The following CSE1L variants were observed in gnomAD, a reference collection of about 807,000 sequenced individuals.
CSE1L encodes exportin-2.
A neutral mutation model predicts 120.4 loss-of-function variants in CSE1L; 24 were observed. The observed-to-expected ratio is 0.20, with a 90% CI of 0.14 to 0.28. The LOEUF (loss-of-function observed/expected upper bound fraction) is 0.28, where lower values mean the gene tolerates loss of function less well. Ranked by LOEUF, CSE1L falls within the 10% of genes least tolerant of loss-of-function variation. The pLI is 1.00. For synonymous variants in CSE1L, 402 were observed against 398.3 expected, an observed-to-expected ratio of 1.01 and a Z score of -0.11; for missense variants, 830 against 1,145.2, an observed-to-expected ratio of 0.72 and a Z score of 3.97.
At chr20:49,092,197 C>A in intron 22 of CSE1L, 70 bp downstream of exon 22, 1 of 795,892 alleles carries the variant, frequency 1.3e-6, no homozygotes, top group Non-Finnish European at 2.0e-6. Flanking sequence ...AAATCAGTAT[C>A]TCTGTCTTAT....
intron 1 of CSE1L, among the ~76,000 whole-genome samples, chr20:49,050,121 A>T (rs1366858976): frequency 6.6e-6 from 1 of 152,142 alleles, no homozygotes; most frequent in South Asian, 2.1e-4. Flanking sequence ...ACTTTTTTTT[A>T]AACTTAAAAA....
At chr20:49,071,421 C>T (rs931281052) in intron 8 of CSE1L, among the ~76,000 whole-genome samples, 1 of 152,190 alleles carries the variant, frequency 6.6e-6, no homozygotes, top group Non-Finnish European at 1.5e-5. Flanking sequence ...CATGTGCTAC[C>T]TTGTGCTACT....
At chr20:49,095,780 T>A (rs2092134869) in intron 24 of CSE1L, among the ~76,000 whole-genome samples, 1 of 152,142 alleles carries the variant, frequency 6.6e-6, no homozygotes, top group Non-Finnish European at 1.5e-5. Context: ...GTAGTTCTAG[T>A]GCTTTGGGAG....
At chr20:49,076,520 CTTTT>C (rs35713931) in intron 12 of CSE1L, among the ~76,000 whole-genome samples, 103 of 79,598 alleles carry the variant, frequency 1.3e-3, no homozygotes, top group African/African-American at 4.7e-3. Flanking sequence ...CCCTCTCTCT[CTTTT>C]TTTTTTTTTT....
chr20:49,063,427 G>A (rs1285026370), intron 3 of CSE1L, 83 bp downstream of exon 3: 12 of 849,980 alleles, frequency 1.4e-5, no homozygotes, highest in Non-Finnish European at 1.8e-5. Context: ...GATAAGGCAC[G>A]TGCTTGTAGT....
intron 2 of CSE1L, among the ~76,000 whole-genome samples, chr20:49,060,788 A>T (rs1274682852): frequency 2.6e-5 from 4 of 152,002 alleles, no homozygotes; most frequent in Admixed American, 6.6e-5. Flanking sequence ...AAAAAAAAAA[A>T]ATTGAAATAC....
chr20:49,093,337 C>T (rs911969297), intron 22 of CSE1L, among the ~76,000 whole-genome samples: 2 of 152,288 alleles, frequency 1.3e-5, no homozygotes, highest in South Asian at 2.1e-4. Context: ...GTTCTATTAA[C>T]GCATAAACTG....
At chr20:49,090,910 T>C (rs1381547989) in intron 20 of CSE1L, 27 bp from the exon 21 acceptor site, 4 of 1,596,294 alleles carry the variant, frequency 2.5e-6, no homozygotes, top group Non-Finnish European at 3.4e-6. Context: ...CCTAAATTTA[T>C]ATTGTTGATT....
At position 49,074,769 on chromosome 20, in the gene CSE1L, T is replaced by C. The variant is rs1461822449; in HGVS notation, c.1067-16T>C. 1.2e-6 allele frequency: 2 copies of C among 1,605,584 alleles called. No individual in the cohort carries two copies. The highest frequency in any genetic ancestry group is 1.7e-6 in the Non-Finnish European group (2 of 1,176,074). ...GTCTTTTGGAGTGTTATCTGAAATA[T>C]CATCTCTCCTTGTAGCTGCTGATGA... On this transcript the variant is annotated splice_polypyrimidine_tract_variant and intron_variant, in intron 10 of 24. Transcript: ENST00000262982.
At chr20:49,090,146 A>G (rs2092089864) in intron 19 of CSE1L, among the ~76,000 whole-genome samples, 1 of 152,054 alleles carries the variant, frequency 6.6e-6, no homozygotes, top group Admixed American at 6.6e-5. Context: ...AATAATAATA[A>G]TAACGGAAAT....
rs562872413 is a variant in CSE1L, at chr20:49,082,261, C to T, written c.1483-1765C>T. 1.1e-4 allele frequency among the ~76,000 whole-genome samples: 17 copies of T among 152,054 alleles called. No homozygotes were observed. The South Asian group carries it at 3.5e-3, about 32-fold the overall frequency. On this transcript the variant is annotated intron_variant, in intron 14 of 24. Transcript: ENST00000262982. ...CTGTTACCCAGGTTCAAGCCATTCT[C>T]CTGCCTCAGCCTCCCAAGTAGCTGG... is the stretch of plus-strand genomic sequence containing the variant.
At chr20:49,083,649 G>T (rs1199779429) in intron 14 of CSE1L, among the ~76,000 whole-genome samples, 1 of 152,120 alleles carries the variant, frequency 6.6e-6, no homozygotes, top group Non-Finnish European at 1.5e-5. Context: ...TTGCTTTTTG[G>T]GGGTGGGAAG....
At chr20:49,063,616 C>T (rs1283143451) in intron 3 of CSE1L, among the ~76,000 whole-genome samples, 1 of 152,150 alleles carries the variant, frequency 6.6e-6, no homozygotes, top group African/African-American at 2.4e-5. Flanking sequence ...TTTTCCAAAG[C>T]TTCTGTTATT....
chr20:49,068,944 A>G (rs2091912925), intron 7 of CSE1L, 122 bp downstream of exon 7: 1 of 680,266 alleles, frequency 1.5e-6, no homozygotes, highest in Admixed American at 2.7e-5. Flanking sequence ...GTTTTTTCTG[A>G]CTCTATTTAT....
chr20:49,053,147 C>CTTTT (rs71184250), intron 1 of CSE1L, among the ~76,000 whole-genome samples: 11 of 122,708 alleles, frequency 9.0e-5, no homozygotes, highest in South Asian at 7.8e-4. Context: ...CCCTGTCTCT[C>CTTTT]TTTTTTTTTT....
chr20:49,072,429 G>T lies in CSE1L; in HGVS notation c.912G>T (p.Thr304=). ...CCATCTGGAATTTACTAGTTACAAC[G>T]GGTCAAGAGGTTAAATATGATTTGG... is the stretch of plus-strand genomic sequence containing the variant. The part of the protein sequence containing the change: ...VTAIWNLLVT[T]GQEVKYDLLV... The change falls in exon 9 of 25, where the codon ACG becomes ACT. Residue 304 remains threonine (T), a synonymous_variant. Coordinates refer to ENST00000262982, the MANE Select transcript of CSE1L (RefSeq NM_001316.4). 6.2e-7 allele frequency: 1 copy of T among 1,614,106 alleles called. No homozygotes were observed. The highest frequency in any genetic ancestry group is 2.2e-5 in the East Asian group (1 of 44,876).
At chr20:49,050,397 T>A (rs557032273) in intron 1 of CSE1L, among the ~76,000 whole-genome samples, 2 of 141,160 alleles carry the variant, frequency 1.4e-5, no homozygotes, top group East Asian at 4.0e-4. Flanking sequence ...TTTTTTTTTT[T>A]TTTTTTTTTT....
intron 16 of CSE1L, among the ~76,000 whole-genome samples, chr20:49,086,478 G>C (rs891596697): frequency 1.2e-4 from 18 of 144,256 alleles, no homozygotes; most frequent in Non-Finnish European, 2.5e-4. Context: ...CGATTCGCCT[G>C]CCTCAGCCTC....
intron 1 of CSE1L, among the ~76,000 whole-genome samples, chr20:49,050,245 G>C (rs535183230): frequency 7.4e-6 from 1 of 135,948 alleles, no homozygotes; most frequent in African/African-American, 2.5e-5. Context: ...TGGAGACAGG[G>C]TTTCACTCAG....
Sources: gnomAD v4.1 joint callset for allele counts (sites outside exome capture counted in the v4.1 genomes callset) on GRCh38, gnomAD v4.1.1 for gene constraint, MANE v1.5 for transcripts, NCBI Gene and HGNC (gene_info 2026-07-23, HGNC 2026-07-21) for gene names.